HSD17B12: variants seen among roughly 807,000 people sequenced by gnomAD.
HSD17B12 encodes very-long-chain 3-oxoacyl-CoA reductase.
Under a neutral mutation model 39.3 loss-of-function variants are expected in HSD17B12, and 32 were observed. That is an observed-to-expected ratio of 0.81 (90% CI 0.61 to 1.09). The LOEUF (loss-of-function observed/expected upper bound fraction) is 1.09, where lower values mean the gene tolerates loss of function less well. Ranked by LOEUF, HSD17B12 falls within the 50% of genes least tolerant of loss-of-function variation. The pLI, the probability that HSD17B12 is intolerant of heterozygous loss-of-function variation, is 0.00. For synonymous variants in HSD17B12, 150 were observed against 146.7 expected (o/e 1.02, Z -0.16); for missense variants, 342 against 382.9 (o/e 0.89, Z 0.89).
At chr11:43,677,408 TAG>T (rs999131306), upstream of HSD17B12, among the ~76,000 whole-genome samples, 160 of 152,212 alleles carry the variant, frequency 1.1e-3, no homozygotes, top group African/African-American at 3.6e-3. Flanking sequence ...TGAAGGAAGG[TAG>T]AGAGTAAGTG....
At chr11:43,616,997 AAG>A in the HSD17B12 span, among the ~76,000 whole-genome samples, 1 of 151,480 alleles carries the variant, frequency 6.6e-6, no homozygotes, top group African/African-American at 2.4e-5. Flanking sequence ...AAAAAAGAAA[AAG>A]AAAAAAAAAT....
the HSD17B12 span, chr11:43,644,620 G>A: frequency 6.6e-6 from 1 of 152,656 alleles, no homozygotes; most frequent in Non-Finnish European, 1.5e-5. Context: ...CCATATGGCT[G>A]TTGGTACTCA....
chr11:43,806,928 G>A (rs1250158826), intron 4 of HSD17B12, among the ~76,000 whole-genome samples: 1 of 152,148 alleles, frequency 6.6e-6, no homozygotes, highest in Non-Finnish European at 1.5e-5. Context: ...CGTGTACCCT[G>A]AAAACTTGTA....
At chr11:43,792,682 CTTTTTTTTT>C (rs60140879) in intron 3 of HSD17B12, among the ~76,000 whole-genome samples, 1 of 101,296 alleles carries the variant, frequency 9.9e-6, no homozygotes, top group African/African-American at 4.4e-5. Flanking sequence ...TCAATGTAAC[CTTTTTTTTT>C]TTTTTTTTTT....
At chr11:43,711,601 A>C (rs1442835593) in intron 1 of HSD17B12, among the ~76,000 whole-genome samples, 1 of 151,846 alleles carries the variant, frequency 6.6e-6, no homozygotes, top group Non-Finnish European at 1.5e-5. Context: ...CAGCCTCCCA[A>C]GTAGCTGCAG....
At chr11:43,721,119 T>A (rs1950172359) in intron 1 of HSD17B12, among the ~76,000 whole-genome samples, 1 of 151,928 alleles carries the variant, frequency 6.6e-6, no homozygotes, top group African/African-American at 2.4e-5. Flanking sequence ...AGAGCTTACA[T>A]TCAAGTATGG....
the HSD17B12 span, among the ~76,000 whole-genome samples, chr11:43,575,002 C>T: frequency 6.6e-6 from 1 of 152,176 alleles, no homozygotes; most frequent in Non-Finnish European, 1.5e-5. This position sits in a 1 kb window ranked among gnomAD's most constrained non-coding sequence, Gnocchi z 4.1. Flanking sequence ...CGGACACTCC[C>T]CTCTGGGCGC....
intron 6 of HSD17B12, among the ~76,000 whole-genome samples, chr11:43,827,799 A>T (rs1259801096): frequency 6.6e-6 from 1 of 152,182 alleles, no homozygotes. Context: ...CAGCCAGAAT[A>T]TACATTGCTA....
At chr11:43,795,273 C>G (rs1950906491) in intron 3 of HSD17B12, among the ~76,000 whole-genome samples, 1 of 152,160 alleles carries the variant, frequency 6.6e-6, no homozygotes, top group Non-Finnish European at 1.5e-5. Flanking sequence ...TCCTGAGTAG[C>G]TGAGACTACA....
intron 1 of HSD17B12, among the ~76,000 whole-genome samples, chr11:43,717,190 G>A (rs889270111): frequency 2.0e-5 from 3 of 152,072 alleles, no homozygotes; most frequent in African/African-American, 7.2e-5. Context: ...ATCCTTAGAG[G>A]CCTGTTTTTG....
At position 43,829,814 on chromosome 11, in the gene HSD17B12, G is replaced by A. The variant is rs1022290187; in HGVS notation, c.502-1162G>A. 5 of 151,924 alleles carry A rather than the reference G, an allele frequency of 3.3e-5. No individual in the cohort carries two copies. In the East Asian group the frequency reaches 7.7e-4, roughly 23 times the overall value. The allele number at this position is 151,924 out of a possible 1,614,324, so 9.4% of individuals were successfully genotyped here. A position where few individuals can be genotyped will look rare whatever the true frequency, so the allele number is the denominator to read the frequency against. ...AGCTTCCCTTCACAAAATGCTGGGGGAACTCTTTATAATACTTTAGCTAAG... is the reference window on the plus strand; with the variant it reads ...AGCTTCCCTTCACAAAATGCTGGGGAAACTCTTTATAATACTTTAGCTAAG... On this transcript the variant is annotated intron_variant, in intron 6 of 10. Transcript: ENST00000278353.
the HSD17B12 span, among the ~76,000 whole-genome samples, chr11:43,563,443 C>A: frequency 6.6e-6 from 1 of 152,198 alleles, no homozygotes; most frequent in Admixed American, 6.5e-5. Context: ...GTTAAGAATT[C>A]TTTCACCCAT....
the HSD17B12 span, among the ~76,000 whole-genome samples, chr11:43,568,350 G>A: frequency 1.7e-4 from 26 of 152,030 alleles, no homozygotes; most frequent in Middle Eastern, 6.8e-3. Flanking sequence ...TGATCCACCC[G>A]CCTCAGCCTC....
At chr11:43,560,199 C>T in the HSD17B12 span, among the ~76,000 whole-genome samples, 3 of 152,124 alleles carry the variant, frequency 2.0e-5, no homozygotes, top group Admixed American at 1.3e-4. Flanking sequence ...TTTCATATGT[C>T]GCATATGCAT....
intron 4 of HSD17B12, among the ~76,000 whole-genome samples, chr11:43,803,598 A>G (rs960752757): frequency 6.6e-5 from 10 of 152,228 alleles, no homozygotes; most frequent in South Asian, 2.1e-4. Flanking sequence ...AAGAAAATTA[A>G]TATTTTCAGA....
chr11:43,644,547 G>A, the HSD17B12 span: 1 of 152,580 alleles, frequency 6.6e-6, no homozygotes, highest in African/African-American at 2.4e-5. Context: ...ATATGGGGTT[G>A]TGCTTTCTGT....
intron 3 of HSD17B12, among the ~76,000 whole-genome samples, chr11:43,786,335 A>T (rs1487189711): frequency 6.6e-6 from 1 of 152,194 alleles, no homozygotes; most frequent in Non-Finnish European, 1.5e-5. Flanking sequence ...AAAATTAATG[A>T]TTTTCACTGC....
chr11:43,803,086 G>C (rs951917330), intron 4 of HSD17B12, among the ~76,000 whole-genome samples: 2 of 151,986 alleles, frequency 1.3e-5, no homozygotes, highest in African/African-American at 4.8e-5. Flanking sequence ...TTTACACATG[G>C]ATTGTAATTT....
chr11:43,614,475 G>A, the HSD17B12 span, among the ~76,000 whole-genome samples: 1 of 152,004 alleles, frequency 6.6e-6, no homozygotes, highest in Non-Finnish European at 1.5e-5. Context: ...ATTTTTCTAT[G>A]TATATTTGGA....
Sources: allele counts gnomAD v4.1 joint callset (sites outside exome capture counted in the v4.1 genomes callset), GRCh38; gene constraint gnomAD v4.1.1; non-coding constraint Gnocchi (gnomAD v3.1); transcripts MANE v1.5; gene names NCBI Gene and HGNC (gene_info 2026-07-23, HGNC 2026-07-21).